The following CCDC192 variants were observed in gnomAD, a reference collection of about 807,000 sequenced individuals.
CCDC192 encodes coiled-coil domain containing 192.
At chr5:127,799,853 C>T (rs1356654960) in intron 5 of CCDC192, among the ~76,000 whole-genome samples, 1 of 152,082 alleles carries the variant, frequency 6.6e-6, no homozygotes, top group Non-Finnish European at 1.5e-5. Flanking sequence ...TTCAATACAA[C>T]AGTGTATTCA....
At chr5:127,819,585 C>T (rs1040231701) in intron 5 of CCDC192, among the ~76,000 whole-genome samples, 5 of 152,122 alleles carry the variant, frequency 3.3e-5, no homozygotes, top group East Asian at 3.9e-4. Flanking sequence ...TACATCTTAG[C>T]AAACATTTAA....
chr5:127,843,286 C>T (rs974934418), intron 5 of CCDC192, among the ~76,000 whole-genome samples: 1 of 151,968 alleles, frequency 6.6e-6, no homozygotes, highest in Non-Finnish European at 1.5e-5. Flanking sequence ...AATCCACCCG[C>T]CTCAGCCTCC....
chr5:127,718,995 T>C (rs1751803150), intron 2 of CCDC192, among the ~76,000 whole-genome samples: 2 of 152,156 alleles, frequency 1.3e-5, no homozygotes, highest in Non-Finnish European at 2.9e-5. Context: ...CTAGATCTTA[T>C]TCATTTTCTC....
chr5:127,718,205 A>G (rs1170149095), intron 2 of CCDC192, among the ~76,000 whole-genome samples: 3 of 152,218 alleles, frequency 2.0e-5, no homozygotes, highest in Non-Finnish European at 4.4e-5. Context: ...AAGAAAAAAA[A>G]GGTCCTGTCT....
At chr5:127,878,886 C>T (rs1177686329) in intron 6 of CCDC192, among the ~76,000 whole-genome samples, 1 of 148,624 alleles carries the variant, frequency 6.7e-6, no homozygotes, top group Non-Finnish European at 1.5e-5. Context: ...TTTCCTTGAG[C>T]AGTGGTTTGT....
At chr5:127,856,885 G>A (rs1250900223) in intron 5 of CCDC192, among the ~76,000 whole-genome samples, 2 of 152,106 alleles carry the variant, frequency 1.3e-5, no homozygotes, top group Admixed American at 6.6e-5. Flanking sequence ...AAAGATCACT[G>A]ATCACAGATC....
rs149002868 is a variant in CCDC192 at position 127,881,793 on chromosome 5, C to T, written c.535+6132C>T. ...TTGTTCAAATAATCACAACCCAAGG[C>T]GGATTCCTTCCATCATTTCCACACC... On this transcript the variant is annotated intron_variant, in intron 6 of 6. Coordinates refer to ENST00000514853, the MANE Select transcript of CCDC192 (RefSeq NM_001317938.2). Among the ~76,000 whole-genome samples the T allele has an allele frequency of 3.9e-3, 590 of 152,308 alleles. 5 individuals are homozygous for T. Among genetic ancestry groups the T allele is most frequent in the African/African-American group, 0.013 (552 of 41,562 alleles).
intron 5 of CCDC192, among the ~76,000 whole-genome samples, chr5:127,834,001 G>C (rs531812498): frequency 6.6e-6 from 1 of 152,076 alleles, no homozygotes; most frequent in Non-Finnish European, 1.5e-5. Context: ...TTTGACATAA[G>C]AATTATTTTG....
chr5:127,856,828 T>G (rs1751119210), intron 5 of CCDC192, among the ~76,000 whole-genome samples: 1 of 152,184 alleles, frequency 6.6e-6, no homozygotes, highest in Non-Finnish European at 1.5e-5. Context: ...TGGTGTCTTA[T>G]ATGGGTACAG....
At chr5:127,714,353 G>C (rs1751503046) in intron 2 of CCDC192, among the ~76,000 whole-genome samples, 1 of 152,106 alleles carries the variant, frequency 6.6e-6, no homozygotes, top group Non-Finnish European at 1.5e-5. Context: ...TTTGGATATT[G>C]ACCCAGTAGT....
intron 6 of CCDC192, among the ~76,000 whole-genome samples, chr5:127,886,514 A>T (rs1310596738): frequency 2.6e-5 from 4 of 152,210 alleles, no homozygotes; most frequent in Middle Eastern, 3.2e-3. Context: ...TCAGATGCTG[A>T]GGATGAAGAT....
In CCDC192 at chr5:127,739,034, T is replaced by C. The variant is rs997573036; in HGVS notation, c.115-15234T>C. 1.1e-4 allele frequency among the ~76,000 whole-genome samples: 16 copies of C among 152,150 alleles called. 1 individual carries two copies. The highest frequency in any genetic ancestry group is 1.3e-4 in the Admixed American group (2 of 15,268). On this transcript the variant is annotated intron_variant, in intron 2 of 6. Coordinates refer to ENST00000514853, the MANE Select transcript of CCDC192 (RefSeq NM_001317938.2). ...CTTTTTAGAGTTTCCAGTTTTTCTG[T>C]TCTGTTTTTTCCCCATCTTTGTGGT...
At chr5:127,722,828 G>C (rs1182608959) in intron 2 of CCDC192, among the ~76,000 whole-genome samples, 1 of 151,984 alleles carries the variant, frequency 6.6e-6, no homozygotes, top group Non-Finnish European at 1.5e-5. Flanking sequence ...TTTCATTTTT[G>C]TGCCAGTATC....
rs12332206 is a variant in CCDC192, at chr5:127,880,438, T to A, written c.535+4777T>A. 1.6e-4 allele frequency among the ~76,000 whole-genome samples: 20 copies of A among 122,434 alleles called. 1 individual carries two copies. Among genetic ancestry groups the A allele is most frequent in the South Asian group, 1.5e-3 (5 of 3,312 alleles). 80.3% of individuals were successfully genotyped at this position (122,434 alleles called of 152,430 possible). A position where few individuals can be genotyped will look rare whatever the true frequency, so the allele number is the denominator to read the frequency against. ...GGACACAGGAAGGGGAATATCACACTCTGGGGACTGTGGTGGGGTGGGGGG... is the reference window on the plus strand; with the variant it reads ...GGACACAGGAAGGGGAATATCACACACTGGGGACTGTGGTGGGGTGGGGGG... On this transcript the variant is annotated intron_variant, in intron 6 of 6. Coordinates refer to ENST00000514853, the MANE Select transcript of CCDC192 (RefSeq NM_001317938.2).
At position 127,852,917 on chromosome 5, in the gene CCDC192, G is replaced by A. The variant is rs548409259; in HGVS notation, c.412-22621G>A. Among the ~76,000 whole-genome samples the A allele has an allele frequency of 1.8e-4, 28 of 152,148 alleles. 1 individual carries two copies. The South Asian group carries it at 3.9e-3, about 21-fold the overall frequency. ...ATCCTGGCTAACACAGTGAAACCCC[G>A]TCTCTACTGAAAAATACAAAAAATT... On this transcript the variant is annotated intron_variant, in intron 5 of 6. Transcript: ENST00000514853.
intron 2 of CCDC192, among the ~76,000 whole-genome samples, chr5:127,716,320 TG>T (rs1253543531): frequency 1.2e-4 from 19 of 152,318 alleles, no homozygotes; most frequent in African/African-American, 4.3e-4. Context: ...TTTGCCTCTA[TG>T]TTCATCAGGA....
intron 6 of CCDC192, among the ~76,000 whole-genome samples, chr5:127,914,550 G>A (rs1405487654): frequency 6.6e-6 from 1 of 152,056 alleles, no homozygotes; most frequent in East Asian, 1.9e-4. Context: ...TTTTCCAGAG[G>A]ATTTAAAAAA....
At chr5:127,705,506 A>G (rs940480263) in intron 1 of CCDC192, among the ~76,000 whole-genome samples, 3 of 152,142 alleles carry the variant, frequency 2.0e-5, no homozygotes, top group African/African-American at 7.2e-5. Context: ...CTTGTCCTCT[A>G]TGAGGGTGTC....
intron 6 of CCDC192, among the ~76,000 whole-genome samples, chr5:127,898,260 C>G (rs1458233833): frequency 6.6e-6 from 1 of 152,104 alleles, no homozygotes; most frequent in Non-Finnish European, 1.5e-5. Flanking sequence ...AGGCACCCAC[C>G]AACACGCATG....
Sources: gnomAD v4.1 joint callset for allele counts (sites outside exome capture counted in the v4.1 genomes callset) on GRCh38, gnomAD v4.1.1 for gene constraint, MANE v1.5 for transcripts, NCBI Gene and HGNC (gene_info 2026-07-23, HGNC 2026-07-21) for gene names.